Variants in MPO observed in about 807,000 individuals in gnomAD.
MPO encodes myeloperoxidase.
Under a neutral mutation model 69.4 loss-of-function variants are expected in MPO, and 57 were observed. The observed-to-expected ratio is 0.82, with a 90% CI of 0.66 to 1.02. The LOEUF (loss-of-function observed/expected upper bound fraction) is 1.02. Among genes scored for constraint, MPO ranks in the 50% least tolerant of loss-of-function variants. The probability of loss-of-function intolerance (pLI) is 0.00; values close to 1 mark genes in which losing one functional copy is unlikely to be tolerated. For synonymous variants in MPO, 426 were observed against 417.1 expected, an observed-to-expected ratio of 1.02 and a Z score of -0.26; for missense variants, 971 against 1,014.1, an observed-to-expected ratio of 0.96 and a Z score of 0.58.
Position 58,279,931 on chromosome 17 carries a change from G to A in MPO, c.332C>T (p.Thr111Met). The A allele has an allele frequency of 6.2e-7, 1 of 1,613,952 alleles. No individual in the cohort carries two copies. Among genetic ancestry groups the A allele is most frequent in the South Asian group, 1.1e-5 (1 of 91,078 alleles). ...YFKQPVAATRTAVRAADYLHV... is the reference protein window; with the variant it reads ...YFKQPVAATRMAVRAADYLHV... ...CAGGTAGTCAGCGGCCCTCACCGCC[G>A]TCCTGGTGGCTGCCACCGGCTGCTT... Residue 111 changes from threonine (T) to methionine (M), a missense_variant, in exon 3 of 12, where the codon ACG (threonine) becomes ATG (methionine). By Grantham distance (81) the Thr-to-Met change is moderately conservative. Coordinates refer to ENST00000225275, the MANE Select transcript of MPO (RefSeq NM_000250.2).
At chr17:58,279,687 C>G in intron 3 of MPO, 41 bp from the exon 4 acceptor site, 1 of 1,613,972 alleles carries the variant, frequency 6.2e-7, no homozygotes. Flanking sequence ...AGCCGCCTCA[C>G]TTCCTATCCC....
rs763293793 is a variant in MPO, at chr17:58,270,843, C to T, written c.2051G>A (p.Gly684Asp). Residue 684 changes from glycine (G) to aspartate (D), a missense_variant, in exon 12 of 12, where the codon GGT (glycine) becomes GAT (aspartate). Transcript: ENST00000225275. This position sits in a 1 kb window ranked among gnomAD's most constrained non-coding sequence, Gnocchi z 4.1. ...DGDRFWWENEGVFSMQQRQAL... is the reference protein window; with the variant it reads ...DGDRFWWENEDVFSMQQRQAL... ...CTGTCGCTGCTGCATGCTGAACACA[C>T]CCTCGTTCTCCCACCAAAACCTGCA... The T allele has an allele frequency of 1.9e-6, 3 of 1,613,238 alleles. No homozygotes were observed. Among genetic ancestry groups the T allele is most frequent in the African/African-American group, 2.7e-5 (2 of 74,880 alleles).
Position 58,270,712 on chromosome 17 carries a change from C to T in MPO, c.2182G>A (p.Val728Ile). 2 of 1,614,124 alleles carry T rather than the reference C, an allele frequency of 1.2e-6. No individual in the cohort carries two copies. Among genetic ancestry groups the T allele is most frequent in the Non-Finnish European group, 1.7e-6 (2 of 1,180,012 alleles). ...FMSNSYPRDF[V>I]NCSTLPALNL... Reference sequence around the variant, plus strand: ...AATGCAGGAAGTGTACTGCAGTTGACAAAGTCCCGGGGATATGAGTTGGAC... The same window carrying T: ...AATGCAGGAAGTGTACTGCAGTTGATAAAGTCCCGGGGATATGAGTTGGAC... Residue 728 changes from valine (V) to isoleucine (I), a missense_variant, in exon 12 of 12, where the codon GTC (valine) becomes ATC (isoleucine). Coordinates refer to ENST00000225275, the MANE Select transcript of MPO (RefSeq NM_000250.2). The surrounding 1 kb of genome is among the most constrained non-coding windows in gnomAD (Gnocchi z 4.1).
intron 7 of MPO, 124 bp downstream of exon 7, chr17:58,277,703 T>G: frequency 7.4e-7 from 1 of 1,347,434 alleles, no homozygotes; most frequent in Non-Finnish European, 1.0e-6. Flanking sequence ...ATGAAGTTGA[T>G]AGTAATGGCT....
At position 58,280,647 on chromosome 17, in the gene MPO, C is replaced by A; in HGVS notation, c.112G>T (p.Ala38Ser). 1.2e-6 allele frequency: 2 copies of A among 1,614,192 alleles called. No homozygotes were observed. The highest frequency in any genetic ancestry group is 8.5e-7 in the Non-Finnish European group (1 of 1,180,040). Reference protein sequence around the residue: ...KLLLALAGLLAILATPQPSEG... With the variant: ...KLLLALAGLLSILATPQPSEG... The stretch of plus-strand genomic sequence containing the variant: ...GAGGGCTGGGGCGTGGCCAGAATGG[C>A]CAGGAGCCCTGCTAGGGCCAGAAGC... The change falls in exon 1 of 12, where the codon GCC (alanine) becomes TCC (serine). Residue 38 changes from alanine (A) to serine (S), a missense_variant. Coordinates refer to ENST00000225275, the MANE Select transcript of MPO (RefSeq NM_000250.2).
At chr17:58,273,768 T>C (rs964647235) in intron 8 of MPO, 99 bp from the exon 9 acceptor site, 22 of 1,566,452 alleles carry the variant, frequency 1.4e-5, no homozygotes, top group Admixed American at 1.3e-4. Flanking sequence ...TGCTCTTGGC[T>C]TCGGGGACCC....
At chr17:58,273,866 C>A (rs1276824904) in intron 8 of MPO, among the ~76,000 whole-genome samples, 197 bp from the exon 9 acceptor site, 1 of 152,208 alleles carries the variant, frequency 6.6e-6, no homozygotes, top group South Asian at 2.1e-4. Context: ...AAATAGAGTT[C>A]TACTGCTTGC....
intron 7 of MPO, among the ~76,000 whole-genome samples, chr17:58,276,132 C>G (rs796258324): frequency 6.6e-6 from 1 of 152,218 alleles, no homozygotes; most frequent in South Asian, 2.1e-4. Context: ...TTCATTGATT[C>G]TCTTGATTCC....
Position 58,275,393 on chromosome 17 carries a change from G to T in MPO, c.1365+149C>A. The T allele has an allele frequency of 2.1e-6, 2 of 971,944 alleles. No homozygotes were observed. The highest frequency in any genetic ancestry group is 3.1e-4 in the Middle Eastern group (1 of 3,208). The allele number at this position is 971,944 out of a possible 1,614,324, so 60.2% of individuals were successfully genotyped here. A position where few individuals can be genotyped will look rare whatever the true frequency, so the allele number is the denominator to read the frequency against. ...TTGTCAAGCACTTACTATCTGAAAG[G>T]TGTTTTCATATATGTATTATAATCC... On this transcript the variant is annotated intron_variant, in intron 8 of 11. Coordinates refer to ENST00000225275, the MANE Select transcript of MPO (RefSeq NM_000250.2). The surrounding 1 kb of genome is among the most constrained non-coding windows in gnomAD (Gnocchi z 4.1).
chr17:58,279,479 C>G, intron 4 of MPO, 44 bp downstream of exon 4: 1 of 1,612,672 alleles, frequency 6.2e-7, no homozygotes, highest in Non-Finnish European at 8.5e-7. Flanking sequence ...GTCCGGGACG[C>G]CTCTCTGAGC....
rs372862742 is a variant in MPO at position 58,271,695 on chromosome 17, T to C, written c.1990A>G (p.Ile664Val). Residue 664 changes from isoleucine to valine, a missense_variant, in exon 11 of 12, where the codon ATC (isoleucine) becomes GTC (valine). By Grantham distance (29) the Ile-to-Val change is conservative (BLOSUM62 3). Transcript: ENST00000225275. ...KGRVGPLLAC[I>V]IGTQFRKLRD... ...AGCTTCCTGAACTGGGTACCGATGATGCAGGCGAGGAGTGGGCCCACGCGG... is the reference window on the plus strand; with the variant it reads ...AGCTTCCTGAACTGGGTACCGATGACGCAGGCGAGGAGTGGGCCCACGCGG... The C allele has an allele frequency of 9.3e-6, 15 of 1,613,834 alleles. No homozygotes were observed. Among genetic ancestry groups the C allele is most frequent in the Non-Finnish European group, 1.2e-5 (14 of 1,180,046 alleles).
intron 7 of MPO, among the ~76,000 whole-genome samples, chr17:58,277,599 T>C (rs1215634953): frequency 1.3e-5 from 2 of 152,216 alleles, no homozygotes; most frequent in Non-Finnish European, 2.9e-5. Flanking sequence ...TCCTCAGCCA[T>C]GCCTGGGTCT....
At position 58,269,924 on chromosome 17, in the gene MPO, A is replaced by C. The variant is rs1567825973; in HGVS notation, c.*732T>G. 6.5e-6 allele frequency: 1 copy of C among 153,734 alleles called. No individual in the cohort carries two copies. The highest frequency in any genetic ancestry group is 1.9e-4 in the East Asian group (1 of 5,212). 9.5% of individuals were successfully genotyped at this position (153,734 alleles called of 1,614,324 possible). ...AGCAAATAAATGGTACAGAAAGGGC[A>C]ACAGGCCCAGTTCCTCTTCAGGAGA... On this transcript the variant is annotated 3_prime_UTR_variant, in exon 12 of 12. Coordinates refer to ENST00000225275, the MANE Select transcript of MPO (RefSeq NM_000250.2).
Position 58,272,748 on chromosome 17 carries a change from C to T in MPO, c.1792G>A (p.Gly598Arg), listed in dbSNP as rs529845670. The change falls in exon 10 of 12, where the codon GGA (glycine) becomes AGA (arginine). Residue 598 changes from glycine (G) to arginine (R), a missense_variant and splice_region_variant. By Grantham distance (125) the Gly-to-Arg change is moderately radical. Transcript: ENST00000225275. Reference sequence around the variant, plus strand: ...AGGGGAGACTCCTGCAGCCCCTCACCTGGGAGGCCGTGGTCCCTGCTGCGC... The same window carrying T: ...AGGGGAGACTCCTGCAGCCCCTCACTTGGGAGGCCGTGGTCCCTGCTGCGC... ...MQRSRDHGLP[G>R]YNAWRRFCGL... 6.2e-7 allele frequency: 1 copy of T among 1,613,540 alleles called. No individual in the cohort carries two copies.
Position 58,279,044 on chromosome 17 carries a change from G to C in MPO, c.849C>G (p.Thr283=). The C allele has an allele frequency of 1.9e-6, 3 of 1,612,482 alleles. No homozygotes were observed. Among genetic ancestry groups the C allele is most frequent in the Non-Finnish European group, 2.5e-6 (3 of 1,179,642 alleles). The change falls in exon 6 of 12, where the codon ACC becomes ACG. Residue 283 remains threonine (T), a synonymous_variant. Transcript: ENST00000225275. ...ASFVTGVNCE[T]SCVQQPPCFP... is the part of the protein sequence containing the mutation. ...AGCAGGGCGGCTGCTGAACGCAGCT[G>C]GTCTCGCAGTTGACGCCAGTGACGA...
In MPO at chr17:58,275,492, T is replaced by C. The variant is rs1598041039; in HGVS notation, c.1365+50A>G. 5 of 1,612,672 alleles carry C rather than the reference T, an allele frequency of 3.1e-6. No individual in the cohort carries two copies. The highest frequency in any genetic ancestry group is 1.7e-5 in the Admixed American group (1 of 59,982). ...TGCCCAAGGTCACACAGCTAGGATGTTGCAGGGACACATCTGGATCCCGTG... is the reference window on the plus strand; with the variant it reads ...TGCCCAAGGTCACACAGCTAGGATGCTGCAGGGACACATCTGGATCCCGTG... On this transcript the variant is annotated intron_variant, in intron 8 of 11. Transcript: ENST00000225275. The surrounding 1 kb of genome is among the most constrained non-coding windows in gnomAD (Gnocchi z 4.1).
Position 58,270,337 on chromosome 17 carries a change from A to G in MPO, c.*319T>C, listed in dbSNP as rs1970350606. ...GCCAGGATTGGAACCCAGGCAGTCT[A>G]GTTCCTGAGCTGTGCTCCTCACCAG... On this transcript the variant is annotated 3_prime_UTR_variant, in exon 12 of 12. Transcript: ENST00000225275. The surrounding 1 kb of genome is among the most constrained non-coding windows in gnomAD (Gnocchi z 4.1). The G allele has an allele frequency of 2.5e-6, 1 of 393,650 alleles. No homozygotes were observed. Among genetic ancestry groups the G allele is most frequent in the Non-Finnish European group, 4.8e-6 (1 of 206,600 alleles). 24.4% of individuals were successfully genotyped at this position (393,650 alleles called of 1,614,324 possible). A position where few individuals can be genotyped will look rare whatever the true frequency, so the allele number is the denominator to read the frequency against.
At chr17:58,273,384 C>T (rs1477166928) in intron 9 of MPO, 30 bp downstream of exon 9, 1 of 1,613,940 alleles carries the variant, frequency 6.2e-7, no homozygotes, top group Non-Finnish European at 8.5e-7. Context: ...AGCTGTCAGC[C>T]CACTCGCTCC....
chr17:58,274,607 C>T (rs1970412506), intron 8 of MPO, among the ~76,000 whole-genome samples: 2 of 151,890 alleles, frequency 1.3e-5, no homozygotes, highest in African/African-American at 4.8e-5. Context: ...ATTACTTGAG[C>T]CCAGGAGTTT....
Sources: allele counts gnomAD v4.1 joint callset (sites outside exome capture counted in the v4.1 genomes callset), GRCh38; gene constraint gnomAD v4.1.1; non-coding constraint Gnocchi (gnomAD v3.1); transcripts MANE v1.5; gene names NCBI Gene and HGNC (gene_info 2026-07-23, HGNC 2026-07-21).